DMRT1: variants seen among roughly 807,000 people sequenced by gnomAD.
DMRT1 encodes the protein doublesex- and mab-3-related transcription factor 1.
DMRT1 carries 7 observed loss-of-function variants against 32.3 expected under a neutral mutation model. The ratio of observed to expected loss-of-function variants is 0.22; its 90% CI spans 0.12 to 0.41. The LOEUF is 0.41. Ranked by LOEUF, DMRT1 falls within the 10% of genes least tolerant of loss-of-function variation. The pLI is 1.00. For synonymous variants in DMRT1, 278 were observed against 206.1 expected (o/e 1.35, Z -2.99); for missense variants, 625 against 500.5 (o/e 1.25, Z -2.37).
At chr9:843,800 A>G (rs1209557588) in intron 1 of DMRT1, among the ~76,000 whole-genome samples, 2 of 152,256 alleles carry the variant, frequency 1.3e-5, no homozygotes, top group South Asian at 4.1e-4. Context: ...ATGCTTTTAT[A>G]TAATATATCA....
chr9:955,680 C>A (rs527263408), intron 4 of DMRT1, among the ~76,000 whole-genome samples: 1 of 152,254 alleles, frequency 6.6e-6, no homozygotes, highest in South Asian at 2.1e-4. Flanking sequence ...CACTGTCGGG[C>A]TGTGGGTATG....
At chr9:962,652 T>C (rs1459301183) in intron 4 of DMRT1, among the ~76,000 whole-genome samples, 3 of 152,136 alleles carry the variant, frequency 2.0e-5, no homozygotes, top group African/African-American at 7.2e-5. Flanking sequence ...AAGGAACGCC[T>C]GGCCGTGAGC....
intron 2 of DMRT1, among the ~76,000 whole-genome samples, chr9:888,004 C>T (rs1586569759): frequency 6.6e-6 from 1 of 152,162 alleles, no homozygotes; most frequent in South Asian, 2.1e-4. Flanking sequence ...ATTTTTGTAA[C>T]ACCTGCTCCT....
chr9:952,099 C>T (rs1002305935), intron 4 of DMRT1, among the ~76,000 whole-genome samples: 3 of 152,082 alleles, frequency 2.0e-5, no homozygotes, highest in Non-Finnish European at 4.4e-5. Context: ...AGTAAGTGAC[C>T]CAGCCAGAAT....
intron 4 of DMRT1, among the ~76,000 whole-genome samples, chr9:947,169 A>G (rs1819273841): frequency 6.6e-6 from 1 of 152,238 alleles, no homozygotes; most frequent in Non-Finnish European, 1.5e-5. Flanking sequence ...TGTCCATCCC[A>G]CAGGACTACA....
intron 3 of DMRT1, among the ~76,000 whole-genome samples, chr9:910,902 G>A (rs10739181): frequency 0.92 from 139,354 of 152,178 alleles, 63,954 homozygotes; most frequent in African/African-American, 0.96. Flanking sequence ...TGCTTAGCTT[G>A]AAGGAATAAA....
At chr9:942,700 TC>T (rs1231062689) in intron 4 of DMRT1, among the ~76,000 whole-genome samples, 2 of 152,214 alleles carry the variant, frequency 1.3e-5, no homozygotes, top group African/African-American at 2.4e-5. Context: ...TTTCTTGTGT[TC>T]ATAGTCAGAT....
At chr9:845,057 A>G (rs1052735797) in intron 1 of DMRT1, among the ~76,000 whole-genome samples, 10 of 151,656 alleles carry the variant, frequency 6.6e-5, no homozygotes, top group Admixed American at 2.0e-4. Flanking sequence ...TTTTGATTTC[A>G]CCTTTGGCTT....
chr9:868,786 G>A (rs1188945898), intron 2 of DMRT1, among the ~76,000 whole-genome samples: 1 of 152,210 alleles, frequency 6.6e-6, no homozygotes, highest in African/African-American at 2.4e-5. Context: ...AAGGCAGGTA[G>A]ATGGCTTGAG....
At chr9:947,833 C>G (rs1437681324) in intron 4 of DMRT1, among the ~76,000 whole-genome samples, 1 of 152,174 alleles carries the variant, frequency 6.6e-6, no homozygotes, top group African/African-American at 2.4e-5. Flanking sequence ...TATTGTACTA[C>G]TAACCATTTC....
chr9:917,348 A>T (rs10491586), intron 4 of DMRT1, among the ~76,000 whole-genome samples: 1 of 152,036 alleles, frequency 6.6e-6, no homozygotes, highest in Non-Finnish European at 1.5e-5. Context: ...ACATTTTTGA[A>T]TACAATAGAT....
At chr9:851,273 C>CT (rs2132552826) in intron 2 of DMRT1, among the ~76,000 whole-genome samples, 1 of 152,234 alleles carries the variant, frequency 6.6e-6, no homozygotes, top group South Asian at 2.1e-4. Flanking sequence ...CAGTCTCGCT[C>CT]TATCGCCCAG....
In DMRT1 at chr9:894,238, G is replaced by A. The variant is rs754009652; in HGVS notation, c.822+43G>A. 3.1e-6 allele frequency: 5 copies of A among 1,603,300 alleles called. No individual in the cohort carries two copies. The Middle Eastern group carries it at 6.7e-4, about 216-fold the overall frequency. On this transcript the variant is annotated intron_variant, in intron 3 of 4. Coordinates refer to ENST00000382276, the MANE Select transcript of DMRT1 (RefSeq NM_021951.3). Reference sequence around the variant, plus strand: ...CAGAGAGTGAACTGGTTGTGTGAAAGCCACATGCATGTGCACACACATGCA... The same window carrying A: ...CAGAGAGTGAACTGGTTGTGTGAAAACCACATGCATGTGCACACACATGCA...
In DMRT1 at chr9:842,230, G is replaced by GGTTTTTT. The variant is rs1554739423; in HGVS notation, c.354+38_354+39insGTTTTTT. 6 of 1,267,140 alleles carry GGTTTTTT rather than the reference G, an allele frequency of 4.7e-6. No individual in the cohort carries two copies. The African/African-American group carries it at 1.3e-4, about 27-fold the overall frequency. 78.5% of individuals were successfully genotyped at this position (1,267,140 alleles called of 1,614,324 possible). ...GTGCGGGAGCCCGGGTTCAGCCTTA[G>GGTTTTTT]TTTTTTTTTTTTTTTTTTTTTTTAG... is the stretch of plus-strand genomic sequence containing the variant. On this transcript the variant is annotated intron_variant, in intron 1 of 4. Coordinates refer to ENST00000382276, the MANE Select transcript of DMRT1 (RefSeq NM_021951.3).
At chr9:913,865 C>T (rs1172186132) in intron 3 of DMRT1, among the ~76,000 whole-genome samples, 3 of 151,304 alleles carry the variant, frequency 2.0e-5, no homozygotes, top group Non-Finnish European at 4.4e-5. Context: ...TGCACTCCAG[C>T]CTGGGCAACA....
Position 909,778 on chromosome 9 carries a change from A to G in DMRT1, c.823-6985A>G, listed in dbSNP as rs1326879421. Reference sequence around the variant, plus strand: ...ACCCAGGTTGGAGTCAGCAGGGCAAACATAGCTTACTGCAGCCTTGACCTG... The same window carrying G: ...ACCCAGGTTGGAGTCAGCAGGGCAAGCATAGCTTACTGCAGCCTTGACCTG... On this transcript the variant is annotated intron_variant, in intron 3 of 4. Coordinates refer to ENST00000382276, the MANE Select transcript of DMRT1 (RefSeq NM_021951.3). 2.0e-5 allele frequency among the ~76,000 whole-genome samples: 3 copies of G among 152,218 alleles called. No homozygotes were observed. The East Asian group carries it at 5.8e-4, about 29-fold the overall frequency.
intron 2 of DMRT1, among the ~76,000 whole-genome samples, chr9:853,743 G>T (rs1375587759): frequency 6.6e-6 from 1 of 151,752 alleles, no homozygotes; most frequent in Non-Finnish European, 1.5e-5. Context: ...GACCTCAGGT[G>T]CTCCGCCTGC....
chr9:900,165 T>TGTATTTGAAACTGAGAC (rs1564235496), intron 3 of DMRT1, among the ~76,000 whole-genome samples: 1 of 32,774 alleles, frequency 3.1e-5, no homozygotes, highest in Non-Finnish European at 1.2e-4. Flanking sequence ...TAAACCTTTC[T>TGTATTTGAAACTGAGAC]ACAGGTAGGA....
chr9:865,612 T>A (rs900227802), intron 2 of DMRT1, among the ~76,000 whole-genome samples: 2 of 152,060 alleles, frequency 1.3e-5, no homozygotes, highest in Non-Finnish European at 2.9e-5. Context: ...AATAAACAAG[T>A]TTTTGCAAAA....
Sources: gnomAD v4.1 joint callset for allele counts (sites outside exome capture counted in the v4.1 genomes callset) on GRCh38, gnomAD v4.1.1 for gene constraint, MANE v1.5 for transcripts, NCBI Gene and HGNC (gene_info 2026-07-23, HGNC 2026-07-21) for gene names.